The following UNC5C variants were observed in gnomAD, a reference collection of about 807,000 sequenced individuals.
The protein encoded by UNC5C is unc-5 netrin receptor C, also known as netrin receptor UNC5C.
UNC5C carries 47 observed loss-of-function variants against 99.8 expected under a neutral mutation model. That is an observed-to-expected ratio of 0.47 (90% CI 0.37 to 0.60). The LOEUF (loss-of-function observed/expected upper bound fraction) is 0.60, where lower values mean the gene tolerates loss of function less well. Ranked by LOEUF, UNC5C falls within the 20% of genes least tolerant of loss-of-function variation. The pLI, the probability that UNC5C is intolerant of heterozygous loss-of-function variation, is 0.00. For synonymous variants in UNC5C, 487 were observed against 452.2 expected (o/e 1.08, Z -0.98); for missense variants, 1,062 against 1,165.9 (o/e 0.91, Z 1.30).
rs1228218026 is a variant in UNC5C at position 95,477,589 on chromosome 4, A to G, written c.124+71145T>C. ...AGAGCTCAGCAGCTCTGGAACCTAAATTACTCTGATGTGCTCATCCCTGTC... is the reference window on the plus strand; with the variant it reads ...AGAGCTCAGCAGCTCTGGAACCTAAGTTACTCTGATGTGCTCATCCCTGTC... On this transcript the variant is annotated intron_variant, in intron 1 of 15. Transcript: ENST00000453304. Among the ~76,000 whole-genome samples, 4 of 151,962 alleles carry G rather than the reference A, an allele frequency of 2.6e-5. No homozygotes were observed. The East Asian group carries it at 7.8e-4, about 29-fold the overall frequency.
chr4:95,169,402 G>A lies in UNC5C; in HGVS notation c.2631-3C>T. On this transcript the variant is annotated splice_polypyrimidine_tract_variant and splice_region_variant and intron_variant, in intron 15 of 15. Coordinates refer to ENST00000453304, the MANE Select transcript of UNC5C (RefSeq NM_003728.4). Reference sequence around the variant, plus strand: ...TGGTGGCAAAGTAATTCAAGTACCTGTAATTGGGAAAGAGAAAATGTGCTC... The same window carrying A: ...TGGTGGCAAAGTAATTCAAGTACCTATAATTGGGAAAGAGAAAATGTGCTC... 6.2e-7 allele frequency: 1 copy of A among 1,613,746 alleles called. No homozygotes were observed. Among genetic ancestry groups the A allele is most frequent in the Non-Finnish European group, 8.5e-7 (1 of 1,179,700 alleles).
At chr4:95,320,059 T>G (rs565897712) in intron 2 of UNC5C, among the ~76,000 whole-genome samples, 1 of 152,324 alleles carries the variant, frequency 6.6e-6, no homozygotes, top group South Asian at 2.1e-4. Flanking sequence ...ACATTGTTTC[T>G]TAAACTTCTT....
intron 7 of UNC5C, among the ~76,000 whole-genome samples, chr4:95,236,621 A>G (rs896756835): frequency 2.0e-5 from 3 of 151,866 alleles, no homozygotes; most frequent in Non-Finnish European, 1.5e-5. Context: ...AAAGAATAGA[A>G]AGCATATAGA....
intron 7 of UNC5C, among the ~76,000 whole-genome samples, chr4:95,240,266 C>A (rs1739281577): frequency 6.6e-6 from 1 of 152,136 alleles, no homozygotes; most frequent in South Asian, 2.1e-4. Context: ...CCTTTGTTTT[C>A]CAAAATAATG....
intron 2 of UNC5C, among the ~76,000 whole-genome samples, chr4:95,315,536 T>C (rs542996640): frequency 1.3e-5 from 2 of 152,334 alleles, no homozygotes; most frequent in African/African-American, 4.8e-5. Context: ...ATCATGTCTA[T>C]TCATATCTCC....
intron 1 of UNC5C, among the ~76,000 whole-genome samples, chr4:95,412,016 G>C (rs1474718294): frequency 6.8e-6 from 1 of 147,632 alleles, no homozygotes; most frequent in Non-Finnish European, 1.5e-5. Context: ...CCTAATTCTA[G>C]TCATGTCAGT....
chr4:95,373,193 A>G (rs534901922), intron 1 of UNC5C, among the ~76,000 whole-genome samples: 1 of 152,280 alleles, frequency 6.6e-6, no homozygotes, highest in African/African-American at 2.4e-5. Context: ...TGATCTTTTA[A>G]AAACATAAGT....
chr4:95,267,209 C>G (rs1740481031), intron 4 of UNC5C, among the ~76,000 whole-genome samples: 1 of 152,170 alleles, frequency 6.6e-6, no homozygotes, highest in African/African-American at 2.4e-5. Context: ...TATGGCCTCT[C>G]CCTCAGTGCT....
chr4:95,188,551 T>A (rs1736928144), intron 12 of UNC5C, among the ~76,000 whole-genome samples: 1 of 152,194 alleles, frequency 6.6e-6, no homozygotes, highest in Non-Finnish European at 1.5e-5. Context: ...CCATTTTAAG[T>A]GTTACAATTT....
intron 1 of UNC5C, among the ~76,000 whole-genome samples, chr4:95,403,322 G>A (rs1017575868): frequency 1.3e-5 from 2 of 152,084 alleles, no homozygotes; most frequent in South Asian, 2.1e-4. Flanking sequence ...GAGCAATCTC[G>A]GGCATGTTCT....
chr4:95,257,487 A>G (rs567947535), intron 4 of UNC5C, among the ~76,000 whole-genome samples: 21 of 152,172 alleles, frequency 1.4e-4, no homozygotes, highest in Admixed American at 2.6e-4. Context: ...AATAATTGGA[A>G]GGGACAGAGG....
chr4:95,291,605 T>C (rs980388524), intron 3 of UNC5C, among the ~76,000 whole-genome samples: 5 of 152,168 alleles, frequency 3.3e-5, no homozygotes, highest in African/African-American at 9.7e-5. Context: ...GGGGCATCCA[T>C]GAAACTTGGG....
intron 1 of UNC5C, among the ~76,000 whole-genome samples, chr4:95,339,377 G>A (rs1484062526): frequency 3.3e-5 from 5 of 151,890 alleles, no homozygotes; most frequent in Non-Finnish European, 7.4e-5. Context: ...ATGGGGATAA[G>A]AAAATCTGTG....
rs1046904925 is a variant in UNC5C, at chr4:95,288,378, C to T, written c.491-10016G>A. 7.9e-5 allele frequency among the ~76,000 whole-genome samples: 12 copies of T among 152,182 alleles called. No individual in the cohort carries two copies. The South Asian group carries it at 1.0e-3, about 13-fold the overall frequency. On this transcript the variant is annotated intron_variant, in intron 3 of 15. Transcript: ENST00000453304. ...GATTACAGGCGTGAGCCACCGTGCC[C>T]AGCACTTTACAGATTATATAACTAG...
At chr4:95,519,382 A>G (rs1291305057) in intron 1 of UNC5C, among the ~76,000 whole-genome samples, 2 of 152,126 alleles carry the variant, frequency 1.3e-5, no homozygotes, top group Non-Finnish European at 2.9e-5. Context: ...GAATGATTAA[A>G]TGATGTTCCC....
At chr4:95,423,317 C>A (rs1321578305) in intron 1 of UNC5C, among the ~76,000 whole-genome samples, 1 of 152,176 alleles carries the variant, frequency 6.6e-6, no homozygotes, top group Non-Finnish European at 1.5e-5. Context: ...CAGGGATTAT[C>A]CACCTGTGTT....
At position 95,459,074 on chromosome 4, in the gene UNC5C, G is replaced by T. The variant is rs573280160; in HGVS notation, c.124+89660C>A. ...CTGTTATCCTTTTAGGAATTTTCCT[G>T]GGTTATTTGTCCACTACATCTATTT... On this transcript the variant is annotated intron_variant, in intron 1 of 15. Coordinates refer to ENST00000453304, the MANE Select transcript of UNC5C (RefSeq NM_003728.4). Among the ~76,000 whole-genome samples the T allele has an allele frequency of 7.2e-5, 11 of 152,062 alleles. No homozygotes were observed. The East Asian group carries it at 2.1e-3, about 29-fold the overall frequency.
chr4:95,397,849 T>C (rs1402952119), intron 1 of UNC5C, among the ~76,000 whole-genome samples: 1 of 152,156 alleles, frequency 6.6e-6, no homozygotes, highest in Non-Finnish European at 1.5e-5. Context: ...ATCATCTTAT[T>C]ATACAACATC....
At chr4:95,481,762 G>T (rs1051189386) in intron 1 of UNC5C, among the ~76,000 whole-genome samples, 1 of 152,122 alleles carries the variant, frequency 6.6e-6, no homozygotes, top group Non-Finnish European at 1.5e-5. Context: ...ATGGGGAAAG[G>T]ATTCCCTATT....
Sources: gnomAD v4.1 joint callset for allele counts (sites outside exome capture counted in the v4.1 genomes callset) on GRCh38, gnomAD v4.1.1 for gene constraint, MANE v1.5 for transcripts, NCBI Gene and HGNC (gene_info 2026-07-23, HGNC 2026-07-21) for gene names.